SLC17A6: variants seen among roughly 807,000 people sequenced by gnomAD.
SLC17A6 encodes solute carrier family 17 member 6.
A neutral mutation model predicts 67.1 loss-of-function variants in SLC17A6; 35 were observed. The observed-to-expected ratio is 0.52, with a 90% CI of 0.40 to 0.69. The LOEUF (loss-of-function observed/expected upper bound fraction) is 0.69, where lower values mean the gene tolerates loss of function less well. Among genes scored for constraint, SLC17A6 ranks in the 30% least tolerant of loss-of-function variants. SLC17A6 has a pLI of 0.00. For missense variants in SLC17A6, 588 were observed against 723.9 expected, an observed-to-expected ratio of 0.81 and a Z score of 2.15; for synonymous variants, 285 against 252.3, an observed-to-expected ratio of 1.13 and a Z score of -1.23.
In SLC17A6 at chr11:22,376,082, T is replaced by C; in HGVS notation, c.1275T>C (p.Phe425=). The C allele has an allele frequency of 6.2e-7, 1 of 1,609,028 alleles. No individual in the cohort carries two copies. The highest frequency in any genetic ancestry group is 1.1e-5 in the South Asian group (1 of 89,852). ...TACTTGCAGTGGGATTCAGTGGATT[T>C]GCTATATCTGGTAAGATATAATTTT... is the stretch of plus-strand genomic sequence containing the variant. ...FLVLAVGFSG[F]AISGFNVNHL... Residue 425 remains phenylalanine (F), a synonymous_variant, in exon 10 of 12, where the codon TTT becomes TTC. Coordinates refer to ENST00000263160, the MANE Select transcript of SLC17A6 (RefSeq NM_020346.3).
intron 3 of SLC17A6, among the ~76,000 whole-genome samples, chr11:22,356,216 T>C (rs374175133): frequency 3.3e-5 from 5 of 152,322 alleles, no homozygotes; most frequent in South Asian, 4.1e-4. Flanking sequence ...AAATGACCTG[T>C]AACTCTTACC....
At chr11:22,347,631 A>T (rs1273103135) in intron 3 of SLC17A6, among the ~76,000 whole-genome samples, 1 of 152,196 alleles carries the variant, frequency 6.6e-6, no homozygotes, top group Non-Finnish European at 1.5e-5. Flanking sequence ...TTCATGAGTC[A>T]TATTTCTACC....
chr11:22,363,296 A>G (rs1418776346), intron 6 of SLC17A6, among the ~76,000 whole-genome samples: 1 of 152,184 alleles, frequency 6.6e-6, no homozygotes, highest in Admixed American at 6.6e-5. Context: ...GTAATGAAAT[A>G]TCAGCAGTTA....
At chr11:22,360,397 G>T (rs972270024) in intron 4 of SLC17A6, among the ~76,000 whole-genome samples, 2 of 151,822 alleles carry the variant, frequency 1.3e-5, no homozygotes, top group Admixed American at 6.6e-5. Context: ...TAGGTGATGG[G>T]TTGATAGGTC....
intron 2 of SLC17A6, chr11:22,342,933 G>C: frequency 2.0e-6 from 1 of 494,224 alleles, no homozygotes; most frequent in Non-Finnish European, 4.0e-6. Flanking sequence ...CTCTTCATGG[G>C]GAGTCCGAAT....
At chr11:22,353,876 A>G (rs1195149699) in intron 3 of SLC17A6, among the ~76,000 whole-genome samples, 3 of 152,164 alleles carry the variant, frequency 2.0e-5, no homozygotes, top group African/African-American at 7.2e-5. Context: ...AATATCTGGC[A>G]TGGTACTGCT....
chr11:22,372,600 G>A (rs1271671473), intron 8 of SLC17A6, among the ~76,000 whole-genome samples: 1 of 152,022 alleles, frequency 6.6e-6, no homozygotes, highest in East Asian at 1.9e-4. Flanking sequence ...GGCTGGTTGT[G>A]CTTTGCTGCT....
intron 3 of SLC17A6, among the ~76,000 whole-genome samples, chr11:22,353,922 A>G (rs1590383862): frequency 6.6e-6 from 1 of 152,330 alleles, no homozygotes; most frequent in South Asian, 2.1e-4. Context: ...AAGAAATACT[A>G]GAATAACCTG....
chr11:22,349,603 T>C lies in SLC17A6; in HGVS notation c.458+6238T>C, dbSNP rs554909756. On this transcript the variant is annotated intron_variant, in intron 3 of 11. Coordinates refer to ENST00000263160, the MANE Select transcript of SLC17A6 (RefSeq NM_020346.3). ...GCTACTGCAGTGCAGAGGCAGCTTC[T>C]GGAGGGGAGAGACATGATTTGAGGA... Among the ~76,000 whole-genome samples, 410 of 152,328 alleles carry C rather than the reference T, an allele frequency of 2.7e-3. 2 individuals are homozygous for C. The highest frequency in any genetic ancestry group is 9.5e-3 in the African/African-American group (393 of 41,582).
chr11:22,374,409 CCT>C (rs146775795), intron 8 of SLC17A6, among the ~76,000 whole-genome samples: 3 of 150,176 alleles, frequency 2.0e-5, no homozygotes, highest in Non-Finnish European at 4.4e-5. Context: ...ATGTATTTTT[CCT>C]CTCTCTCTCT....
chr11:22,345,550 T>C (rs1358108278), intron 3 of SLC17A6, among the ~76,000 whole-genome samples: 1 of 152,176 alleles, frequency 6.6e-6, no homozygotes, highest in Non-Finnish European at 1.5e-5. Flanking sequence ...TTTAAATGGG[T>C]ATTCAAGGGA....
intron 3 of SLC17A6, among the ~76,000 whole-genome samples, chr11:22,352,180 A>T (rs1855947895): frequency 6.6e-6 from 1 of 152,226 alleles, no homozygotes; most frequent in Admixed American, 6.5e-5. Flanking sequence ...AGGCAGTAAC[A>T]GGCAATGTGA....
chr11:22,363,234 G>A (rs145782906), intron 6 of SLC17A6, among the ~76,000 whole-genome samples: 7 of 147,228 alleles, frequency 4.8e-5, no homozygotes, highest in East Asian at 2.2e-4. Context: ...AGCTGAAAGG[G>A]GGGGTGGAAA....
At chr11:22,373,754 A>T (rs1253039796) in intron 8 of SLC17A6, among the ~76,000 whole-genome samples, 2 of 152,162 alleles carry the variant, frequency 1.3e-5, no homozygotes, top group Admixed American at 1.3e-4. Flanking sequence ...GATGGAAGAG[A>T]TCATTCTATA....
intron 3 of SLC17A6, among the ~76,000 whole-genome samples, chr11:22,345,315 A>ATTTTTTT (rs5790254): frequency 7.0e-6 from 1 of 142,824 alleles, no homozygotes; most frequent in African/African-American, 2.6e-5. Flanking sequence ...TACTCAAAAG[A>ATTTTTTT]TTTTTTTTTT....
At chr11:22,362,876 A>G in intron 6 of SLC17A6, 51 bp downstream of exon 6, 1 of 1,400,010 alleles carries the variant, frequency 7.1e-7, no homozygotes, top group Non-Finnish European at 1.0e-6. Context: ...CATAGGCTAA[A>G]AGAAAATGGT....
chr11:22,360,765 C>A (rs2133869924), intron 4 of SLC17A6, 132 bp from the exon 5 acceptor site: 2 of 680,464 alleles, frequency 2.9e-6, no homozygotes, highest in African/African-American at 1.8e-5. Context: ...ACAGTCTTTT[C>A]TTTTACCTTA....
At chr11:22,346,844 AAAATATAT>A (rs1855882392) in intron 3 of SLC17A6, among the ~76,000 whole-genome samples, 2 of 148,480 alleles carry the variant, frequency 1.3e-5, no homozygotes, top group South Asian at 2.1e-4. Context: ...ATAAATATAT[AAAATATAT>A]AAATATACAT....
At chr11:22,354,384 A>G (rs1855975931) in intron 3 of SLC17A6, among the ~76,000 whole-genome samples, 2 of 152,148 alleles carry the variant, frequency 1.3e-5, no homozygotes, top group Admixed American at 1.3e-4. Context: ...GCGCCCGGCA[A>G]TTTTATACTC....
Sources: gnomAD v4.1 joint callset for allele counts (sites outside exome capture counted in the v4.1 genomes callset) on GRCh38, gnomAD v4.1.1 for gene constraint, MANE v1.5 for transcripts, NCBI Gene and HGNC (gene_info 2026-07-23, HGNC 2026-07-21) for gene names.